The following CDKAL1 variants were observed in gnomAD, a reference collection of about 807,000 sequenced individuals.
CDKAL1 encodes threonylcarbamoyladenosine tRNA methylthiotransferase.
In CDKAL1, 32 loss-of-function variants were observed where a neutral mutation model predicts 68.2. The ratio of observed to expected loss-of-function variants is 0.47; its 90% CI spans 0.35 to 0.63. The LOEUF is 0.63. Among genes scored for constraint, CDKAL1 ranks in the 30% least tolerant of loss-of-function variants. CDKAL1 has a pLI of 0.00. For synonymous variants in CDKAL1, 234 were observed against 244.3 expected (o/e 0.96, Z 0.39); for missense variants, 606 against 696.7 (o/e 0.87, Z 1.47).
intron 13 of CDKAL1, among the ~76,000 whole-genome samples, chr6:21,191,347 C>T (rs1183581976): frequency 6.6e-6 from 1 of 152,034 alleles, no homozygotes; most frequent in Non-Finnish European, 1.5e-5. Flanking sequence ...TGATGTTTTT[C>T]ACAACTTCAG....
chr6:21,009,349 A>G (rs1199581044), intron 11 of CDKAL1, among the ~76,000 whole-genome samples: 3 of 152,228 alleles, frequency 2.0e-5, no homozygotes, highest in Admixed American at 6.5e-5. Flanking sequence ...TATATTATAC[A>G]TGCCATCTCC....
intron 10 of CDKAL1, among the ~76,000 whole-genome samples, chr6:20,958,908 CCAAA>C (rs2150733251): frequency 6.6e-6 from 1 of 151,960 alleles, no homozygotes; most frequent in Admixed American, 6.6e-5. Flanking sequence ...AGAAAAAAAA[CCAAA>C]CAGTTTAAAG....
At chr6:21,167,829 G>A (rs1050842568) in intron 13 of CDKAL1, among the ~76,000 whole-genome samples, 1 of 152,176 alleles carries the variant, frequency 6.6e-6, no homozygotes, top group Non-Finnish European at 1.5e-5. Context: ...GGAGACACAA[G>A]GCACTGCCAG....
intron 5 of CDKAL1, among the ~76,000 whole-genome samples, chr6:20,694,064 G>GTGTA (rs1554181948): frequency 1.3e-4 from 5 of 38,884 alleles, no homozygotes; most frequent in East Asian, 1.0e-3. Flanking sequence ...GTGTGTGTAT[G>GTGTA]TGTGTGTGTG....
chr6:20,577,444 A>G (rs1581754030), intron 4 of CDKAL1, among the ~76,000 whole-genome samples: 1 of 152,160 alleles, frequency 6.6e-6, no homozygotes, highest in South Asian at 2.1e-4. Flanking sequence ...TCATAGTACT[A>G]CCCCAGGCCT....
intron 13 of CDKAL1, among the ~76,000 whole-genome samples, chr6:21,121,704 T>C (rs1372448318): frequency 6.6e-6 from 1 of 152,182 alleles, no homozygotes; most frequent in East Asian, 1.9e-4. Flanking sequence ...TCAATAAATA[T>C]CTGGTTATTT....
chr6:20,694,214 G>T (rs191973594), intron 5 of CDKAL1, among the ~76,000 whole-genome samples: 1 of 150,068 alleles, frequency 6.7e-6, no homozygotes, highest in Non-Finnish European at 1.5e-5. Flanking sequence ...ACAAACAAAC[G>T]TATTTTTTGT....
chr6:20,576,190 T>G (rs1463320228), intron 4 of CDKAL1, among the ~76,000 whole-genome samples: 1 of 152,252 alleles, frequency 6.6e-6, no homozygotes, highest in East Asian at 1.9e-4. Flanking sequence ...AGCTGAGTTA[T>G]GTCATACATG....
intron 9 of CDKAL1, among the ~76,000 whole-genome samples, chr6:20,935,723 C>T (rs1465795345): frequency 6.6e-6 from 1 of 152,188 alleles, no homozygotes; most frequent in Non-Finnish European, 1.5e-5. Flanking sequence ...AGCCACCATG[C>T]CCGGCCAAAA....
intron 11 of CDKAL1, among the ~76,000 whole-genome samples, chr6:21,039,047 T>C (rs1769761950): frequency 6.6e-6 from 1 of 152,164 alleles, no homozygotes; most frequent in African/African-American, 2.4e-5. Flanking sequence ...AAGTCAGGGG[T>C]CCCCAACCCC....
chr6:20,538,678 C>A (rs1015847860), intron 2 of CDKAL1, among the ~76,000 whole-genome samples: 1 of 152,106 alleles, frequency 6.6e-6, no homozygotes, highest in Admixed American at 6.6e-5. Flanking sequence ...GTCAGTAGTT[C>A]TTCCGCATTC....
At chr6:21,181,305 CA>C (rs1216977023) in intron 13 of CDKAL1, among the ~76,000 whole-genome samples, 1 of 152,086 alleles carries the variant, frequency 6.6e-6, no homozygotes, top group Non-Finnish European at 1.5e-5. Flanking sequence ...TAGACCATAC[CA>C]AAATTTGATT....
intron 13 of CDKAL1, among the ~76,000 whole-genome samples, chr6:21,127,901 T>C (rs1430433764): frequency 6.6e-6 from 1 of 152,222 alleles, no homozygotes; most frequent in Non-Finnish European, 1.5e-5. Flanking sequence ...TTCAAATTAT[T>C]GCTTTGCCAT....
chr6:21,202,207 G>A (rs1345229762), intron 15 of CDKAL1, among the ~76,000 whole-genome samples: 1 of 152,130 alleles, frequency 6.6e-6, no homozygotes, highest in Non-Finnish European at 1.5e-5. Context: ...GGATTCTTGT[G>A]TCCGACAGCA....
chr6:21,093,694 CTTTTTTTTTTTTTTTTTTT>C (rs547923386), intron 12 of CDKAL1, among the ~76,000 whole-genome samples: 1,291 of 88,060 alleles, frequency 0.015, 28 homozygotes, highest in African/African-American at 0.055. Context: ...GCTGCTGCTG[CTTTTTTTTTTTTTTTTTTT>C]TTTTTTTTTT....
chr6:21,008,407 G>T (rs1561957132), intron 11 of CDKAL1, among the ~76,000 whole-genome samples: 1 of 152,144 alleles, frequency 6.6e-6, no homozygotes, highest in Admixed American at 6.5e-5. Context: ...GCAGGGTCAG[G>T]CCCGTGGAGG....
rs144402767 is a variant in CDKAL1 at position 20,684,308 on chromosome 6, G to A, written c.371+34931G>A. ...AATACAAAAATTAGCTGGGCGTGGT[G>A]GCATGTGCCTGTATTCCCAGCTACT... On this transcript the variant is annotated intron_variant, in intron 5 of 15. Coordinates refer to ENST00000274695, the MANE Select transcript of CDKAL1 (RefSeq NM_017774.3). 8.5e-5 allele frequency among the ~76,000 whole-genome samples: 13 copies of A among 152,324 alleles called. 1 individual carries two copies. The East Asian group carries it at 2.3e-3, about 27-fold the overall frequency.
chr6:20,785,115 A>C (rs1450307744), intron 8 of CDKAL1, among the ~76,000 whole-genome samples: 1 of 151,326 alleles, frequency 6.6e-6, no homozygotes, highest in Non-Finnish European at 1.5e-5. Flanking sequence ...TCCTCGGTAC[A>C]TTAGCAAATA....
chr6:20,876,384 CAT>C (rs749170769), intron 9 of CDKAL1, among the ~76,000 whole-genome samples: 3 of 152,162 alleles, frequency 2.0e-5, no homozygotes, highest in Non-Finnish European at 4.4e-5. Context: ...CATGACAGGA[CAT>C]TCAGGGTGCC....
Sources: allele counts gnomAD v4.1 joint callset (sites outside exome capture counted in the v4.1 genomes callset), GRCh38; gene constraint gnomAD v4.1.1; transcripts MANE v1.5; gene names NCBI Gene and HGNC (gene_info 2026-07-23, HGNC 2026-07-21).